WDFY3: variants seen among roughly 807,000 people sequenced by gnomAD.
WDFY3 encodes WD repeat and FYVE domain-containing protein 3.
Under a neutral mutation model 409.6 loss-of-function variants are expected in WDFY3, and 66 were observed. The observed-to-expected ratio is 0.16, with a 90% confidence interval of 0.13 to 0.20. The LOEUF is 0.20. Among genes scored for constraint, WDFY3 ranks in the 10% least tolerant of loss-of-function variants. The pLI, the probability that WDFY3 is intolerant of heterozygous loss-of-function variation, is 1.00. For synonymous variants in WDFY3, 1,521 were observed against 1,537.1 expected (o/e 0.99, Z 0.25); for missense variants, 3,031 against 4,298.1 (o/e 0.71, Z 8.24).
chr4:84,925,418 T>C (rs1769842294), intron 2 of WDFY3, among the ~76,000 whole-genome samples: 1 of 152,188 alleles, frequency 6.6e-6, no homozygotes, highest in South Asian at 2.1e-4. Context: ...ATGGACAATG[T>C]GGATTTTTAC....
intron 54 of WDFY3, among the ~76,000 whole-genome samples, chr4:84,704,724 A>AT (rs1240198069): frequency 6.6e-6 from 1 of 152,218 alleles, no homozygotes; most frequent in East Asian, 1.9e-4. Flanking sequence ...TTAACCCTTA[A>AT]TAGTAGACCA....
In WDFY3 at chr4:84,773,940, T is replaced by C. The variant is rs542872182; in HGVS notation, c.4754+880A>G. Among the ~76,000 whole-genome samples the C allele has an allele frequency of 3.9e-5, 6 of 152,298 alleles. No homozygotes were observed. In the South Asian group the frequency reaches 1.2e-3, roughly 32 times the overall value. On this transcript the variant is annotated intron_variant, in intron 29 of 67. Coordinates refer to ENST00000295888, the MANE Select transcript of WDFY3 (RefSeq NM_014991.6). ...TTTCACCATGTTGGGCAGGCTGGTC[T>C]TGAACTCCTGACCTCATGATCCGCC...
chr4:84,960,987 C>T (rs764453618), intron 1 of WDFY3, among the ~76,000 whole-genome samples: 1 of 151,992 alleles, frequency 6.6e-6, no homozygotes, highest in Non-Finnish European at 1.5e-5. Context: ...GAGGCCGAGG[C>T]GGGCGGATCA....
At chr4:84,804,282 C>CT (rs1028156000) in intron 15 of WDFY3, 3 of 152,272 alleles carry the variant, frequency 2.0e-5, no homozygotes, top group East Asian at 3.9e-4. Flanking sequence ...TATGGGAACT[C>CT]TTTGTTCCAA....
At chr4:84,899,467 CATTT>C (rs1350213522) in intron 2 of WDFY3, among the ~76,000 whole-genome samples, 3 of 152,126 alleles carry the variant, frequency 2.0e-5, no homozygotes, top group East Asian at 1.9e-4. Context: ...TCAAATTAAA[CATTT>C]ATTTATTATG....
rs116325948 is a variant in WDFY3 at position 84,726,519 on chromosome 4, T to C, written c.7272+342A>G. On this transcript the variant is annotated intron_variant, in intron 45 of 67. Transcript: ENST00000295888. The stretch of plus-strand genomic sequence containing the variant: ...AAGAATTAAATGAGTCACTGAAAAG[T>C]TGAAGATGCCAGGCTGCCCATTACT... 2.8e-3 allele frequency among the ~76,000 whole-genome samples: 419 copies of C among 152,244 alleles called. 2 individuals are homozygous for C. The highest frequency in any genetic ancestry group is 9.8e-3 in the African/African-American group (408 of 41,572).
intron 57 of WDFY3, 77 bp from the exon 58 acceptor site, chr4:84,696,259 G>A (rs1370402995): frequency 1.5e-6 from 2 of 1,330,254 alleles, no homozygotes; most frequent in Admixed American, 2.1e-5. Context: ...CTTGGTAAGT[G>A]GTTAATAGGA....
intron 45 of WDFY3, 150 bp from the exon 46 acceptor site, chr4:84,724,744 G>T: frequency 1.4e-6 from 1 of 739,880 alleles, no homozygotes; most frequent in Non-Finnish European, 1.9e-6. Context: ...CCACACTTTT[G>T]GGTTAAGTTT....
chr4:84,725,612 C>T (rs999473821), intron 45 of WDFY3, among the ~76,000 whole-genome samples: 7 of 152,138 alleles, frequency 4.6e-5, no homozygotes, highest in African/African-American at 1.7e-4. Context: ...AAGATGAAAT[C>T]TGAAACATGC....
chr4:84,807,162 C>T (rs538480612), intron 15 of WDFY3, among the ~76,000 whole-genome samples: 25 of 152,168 alleles, frequency 1.6e-4, no homozygotes, highest in Middle Eastern at 3.4e-3. Flanking sequence ...TTTTTTACCT[C>T]GACCATTTTA....
intron 44 of WDFY3, among the ~76,000 whole-genome samples, chr4:84,732,085 T>A (rs1459904396): frequency 6.6e-6 from 1 of 152,158 alleles, no homozygotes. Flanking sequence ...ATTACCTTTT[T>A]TACACAGTGC....
At position 84,837,011 on chromosome 4, in the gene WDFY3, T is replaced by C. The variant is rs774066382; in HGVS notation, c.494A>G (p.His165Arg). 93 of 1,602,364 alleles carry C rather than the reference T, an allele frequency of 5.8e-5. 3 individuals carry two copies. The South Asian group carries it at 9.9e-4, about 17-fold the overall frequency. The change falls in exon 7 of 68, where the codon CAT (histidine) becomes CGT (arginine). Residue 165 changes from histidine (H) to arginine (R), a missense_variant. Coordinates refer to ENST00000295888, the MANE Select transcript of WDFY3 (RefSeq NM_014991.6). Reference sequence around the variant, plus strand: ...TGCACCTCCAACTGCCTCAGGCACATGTGGAAGGTCAAAAAACAGATATAA... The same window carrying C: ...TGCACCTCCAACTGCCTCAGGCACACGTGGAAGGTCAAAAAACAGATATAA... ...KCLYLFFDLP[H>R]VPEAVGGAQN...
At chr4:84,874,882 C>T (rs1042134877) in intron 3 of WDFY3, among the ~76,000 whole-genome samples, 4 of 152,162 alleles carry the variant, frequency 2.6e-5, no homozygotes, top group Non-Finnish European at 5.9e-5. Flanking sequence ...GTTTAGCCTA[C>T]TACAAACCTA....
In WDFY3 at chr4:84,721,007, C is replaced by T. The variant is rs554094086; in HGVS notation, c.7605+402G>A. ...TGAAGGAGAGCAGGGGCTAAATAAT[C>T]CAAGGCTGGAGGTGACAGTCCAGAT... On this transcript the variant is annotated intron_variant, in intron 47 of 67. Coordinates refer to ENST00000295888, the MANE Select transcript of WDFY3 (RefSeq NM_014991.6). 4.1e-3 allele frequency among the ~76,000 whole-genome samples: 627 copies of T among 152,230 alleles called. 3 individuals are homozygous for T. Among genetic ancestry groups the T allele is most frequent in the Non-Finnish European group, 5.6e-3 (382 of 68,020 alleles).
chr4:84,877,492 T>C (rs1762943912), intron 3 of WDFY3, among the ~76,000 whole-genome samples: 1 of 152,112 alleles, frequency 6.6e-6, no homozygotes, highest in Admixed American at 6.6e-5. Context: ...AGAGATGGGG[T>C]CTCACTATGT....
chr4:84,801,983 TGTTGTCCAGGCTG>T, intron 16 of WDFY3, 119 bp from the exon 17 acceptor site: 11 of 980,700 alleles, frequency 1.1e-5, no homozygotes, highest in Non-Finnish European at 1.5e-5. Flanking sequence ...GTTTCGCTCT[TGTTGTCCAGGCTG>T]GAGTGCAATG....
chr4:84,861,428 G>A (rs1578861465), intron 3 of WDFY3, among the ~76,000 whole-genome samples: 1 of 152,078 alleles, frequency 6.6e-6, no homozygotes, highest in Middle Eastern at 3.4e-3. Context: ...TATACTTTGA[G>A]TACATGAAGA....
chr4:84,862,610 T>C (rs1760795906), intron 3 of WDFY3, among the ~76,000 whole-genome samples: 1 of 152,216 alleles, frequency 6.6e-6, no homozygotes, highest in Non-Finnish European at 1.5e-5. Context: ...CTGCTCCTTT[T>C]CCTTACCCTG....
chr4:84,837,488 G>C (rs79830693), intron 6 of WDFY3, among the ~76,000 whole-genome samples: 1 of 152,060 alleles, frequency 6.6e-6, no homozygotes, highest in Admixed American at 6.5e-5. Flanking sequence ...GCTAACATGA[G>C]AGTTATGTAA....
Sources: allele counts gnomAD v4.1 joint callset (sites outside exome capture counted in the v4.1 genomes callset), GRCh38; gene constraint gnomAD v4.1.1; transcripts MANE v1.5; gene names NCBI Gene and HGNC (gene_info 2026-07-23, HGNC 2026-07-21).